The following DAB1 variants were observed in gnomAD, a reference collection of about 807,000 sequenced individuals.
The protein encoded by DAB1 is disabled homolog 1.
A neutral mutation model predicts 64.6 loss-of-function variants in DAB1; 15 were observed. The observed-to-expected ratio is 0.23, with a 90% CI of 0.16 to 0.36. The LOEUF (loss-of-function observed/expected upper bound fraction) is 0.36. Ranked by LOEUF, DAB1 falls within the 10% of genes least tolerant of loss-of-function variation. The pLI, the probability that DAB1 is intolerant of heterozygous loss-of-function variation, is 1.00. For missense variants in DAB1, 596 were observed against 706.7 expected (o/e 0.84, Z 1.78); for synonymous variants, 235 against 251.9 (o/e 0.93, Z 0.64).
At chr1:58,078,013 C>A (rs1422315422) in intron 5 of DAB1, 2 of 152,368 alleles carry the variant, frequency 1.3e-5, no homozygotes, top group African/African-American at 2.4e-5. Context: ...TTACAACTAC[C>A]TTTGGGCATG....
intron 7 of DAB1, among the ~76,000 whole-genome samples, chr1:57,643,670 T>C (rs1646157605): frequency 6.6e-6 from 1 of 152,220 alleles, no homozygotes; most frequent in Non-Finnish European, 1.5e-5. Flanking sequence ...CTGAATAGTA[T>C]ACAAATTTAG....
At chr1:57,662,460 T>C (rs1382793267) in intron 6 of DAB1, among the ~76,000 whole-genome samples, 1 of 152,078 alleles carries the variant, frequency 6.6e-6, no homozygotes, top group Non-Finnish European at 1.5e-5. Flanking sequence ...CCTCCCAAAG[T>C]GATGGGATTA....
intron 2 of DAB1, among the ~76,000 whole-genome samples, chr1:57,264,685 C>T (rs1235991373): frequency 6.9e-6 from 1 of 144,388 alleles, no homozygotes; most frequent in Non-Finnish European, 1.5e-5. Context: ...GAGAGCAGGT[C>T]TCGTGATCTC....
intron 5 of DAB1, among the ~76,000 whole-genome samples, chr1:57,946,591 G>A (rs1645187133): frequency 6.6e-6 from 1 of 152,190 alleles, no homozygotes; most frequent in Non-Finnish European, 1.5e-5. Flanking sequence ...AGAGATAGAG[G>A]AGTAGAAAGA....
intron 5 of DAB1, chr1:58,079,938 G>C (rs1649895420): frequency 1.3e-5 from 2 of 152,206 alleles, no homozygotes; most frequent in African/African-American, 4.8e-5. Context: ...TGCTTCATAA[G>C]TGTTTTGAAA....
intron 7 of DAB1, among the ~76,000 whole-genome samples, chr1:57,470,437 T>A (rs1448622230): frequency 6.6e-6 from 1 of 152,196 alleles, no homozygotes; most frequent in East Asian, 1.9e-4. Context: ...CAATTTAAAG[T>A]GTTCTTTCCA....
chr1:57,677,447 G>T (rs1646581139), intron 6 of DAB1, among the ~76,000 whole-genome samples: 1 of 152,144 alleles, frequency 6.6e-6, no homozygotes, highest in African/African-American at 2.4e-5. Context: ...CGGTGGTTGA[G>T]ATCTGAACCT....
chr1:58,431,553 A>C (rs1644873138), intron 3 of DAB1, among the ~76,000 whole-genome samples: 1 of 126,682 alleles, frequency 7.9e-6, no homozygotes, highest in Admixed American at 7.8e-5. Flanking sequence ...GCGAGACTCC[A>C]TCTGGAAAAA....
intron 7 of DAB1, among the ~76,000 whole-genome samples, chr1:57,439,425 CTTTTTTT>C (rs71051230): frequency 1.0e-5 from 1 of 97,984 alleles, no homozygotes; most frequent in South Asian, 3.7e-4. Flanking sequence ...GAGGTTTTTT[CTTTTTTT>C]TTTTTTTTTT....
At chr1:57,449,529 C>T (rs1686272979) in intron 7 of DAB1, among the ~76,000 whole-genome samples, 1 of 151,998 alleles carries the variant, frequency 6.6e-6, no homozygotes, top group Non-Finnish European at 1.5e-5. Flanking sequence ...TACAGGTGCA[C>T]TCTGCTACAC....
At chr1:58,272,612 G>T (rs1661332533) in intron 4 of DAB1, among the ~76,000 whole-genome samples, 2 of 126,480 alleles carry the variant, frequency 1.6e-5, no homozygotes, top group Admixed American at 8.4e-5. Context: ...TCTGTCTAAT[G>T]TTGACAGTGG....
At chr1:58,190,636 A>G (rs1657334793) in intron 4 of DAB1, among the ~76,000 whole-genome samples, 1 of 152,204 alleles carries the variant, frequency 6.6e-6, no homozygotes, top group African/African-American at 2.4e-5. Context: ...AATAAGATCT[A>G]GCACTCTCTA....
chr1:58,423,138 C>T (rs1644788584), intron 3 of DAB1, among the ~76,000 whole-genome samples: 1 of 152,126 alleles, frequency 6.6e-6, no homozygotes, highest in Admixed American at 6.5e-5. Context: ...GGTCTTCAGC[C>T]CCAGAGCCCT....
intron 1 of DAB1, among the ~76,000 whole-genome samples, chr1:57,403,937 T>C (rs1371974044): frequency 1.3e-5 from 2 of 152,178 alleles, no homozygotes; most frequent in Non-Finnish European, 2.9e-5. Flanking sequence ...ATATAGAACA[T>C]TCCCATCATT....
intron 1 of DAB1, among the ~76,000 whole-genome samples, chr1:57,865,856 C>G (rs1246267916): frequency 2.0e-5 from 3 of 152,192 alleles, no homozygotes; most frequent in African/African-American, 7.2e-5. Context: ...ATGCCATATA[C>G]TGGGTGGGTT....
intron 6 of DAB1, among the ~76,000 whole-genome samples, chr1:57,777,853 T>A (rs1649889770): frequency 6.6e-6 from 1 of 152,138 alleles, no homozygotes; most frequent in Non-Finnish European, 1.5e-5. Flanking sequence ...TGTTGACCAC[T>A]GTAAATATTT....
chr1:57,606,164 C>A, intron 7 of DAB1: 1 of 223,040 alleles, frequency 4.5e-6, no homozygotes, highest in Non-Finnish European at 9.2e-6. Context: ...TGAATTGCCA[C>A]CTCCGGCTCC....
At chr1:57,840,089 C>CTGTT (rs1393772052) in intron 1 of DAB1, among the ~76,000 whole-genome samples, 1 of 152,166 alleles carries the variant, frequency 6.6e-6, no homozygotes, top group Non-Finnish European at 1.5e-5. Context: ...AAATAGGAGA[C>CTGTT]TGTTATTGAT....
At chr1:57,674,400 T>C (rs930901920) in intron 6 of DAB1, among the ~76,000 whole-genome samples, 3 of 152,184 alleles carry the variant, frequency 2.0e-5, no homozygotes, top group Admixed American at 1.3e-4. Flanking sequence ...AAGACTCTTT[T>C]TCCCCACCAT....
Sources: gnomAD v4.1 joint callset for allele counts (sites outside exome capture counted in the v4.1 genomes callset) on GRCh38, gnomAD v4.1.1 for gene constraint, MANE v1.5 for transcripts, NCBI Gene and HGNC (gene_info 2026-07-23, HGNC 2026-07-21) for gene names.